The following CNIH3 variants were observed in gnomAD, a reference collection of about 807,000 sequenced individuals.
CNIH3 encodes cornichon family AMPA receptor auxiliary protein 3.
In CNIH3, 14 loss-of-function variants were observed where a neutral mutation model predicts 24.1. The observed-to-expected ratio is 0.58, with a 90% CI of 0.38 to 0.91. CNIH3 has a LOEUF of 0.91. Among genes scored for constraint, CNIH3 ranks in the 40% least tolerant of loss-of-function variants. The probability of loss-of-function intolerance (pLI) is 0.00; values close to 1 mark genes in which losing one functional copy is unlikely to be tolerated. For missense variants in CNIH3, 178 were observed against 196.8 expected, an observed-to-expected ratio of 0.90 and a Z score of 0.57; for synonymous variants, 68 against 73.8, an observed-to-expected ratio of 0.92 and a Z score of 0.40.
At chr1:224,709,429 G>A (rs150581019) in intron 3 of CNIH3, among the ~76,000 whole-genome samples, 87 of 152,304 alleles carry the variant, frequency 5.7e-4, no homozygotes, top group Middle Eastern at 3.4e-3. Context: ...AGACATAAGA[G>A]TCTAGATGAG....
intron 1 of CNIH3, among the ~76,000 whole-genome samples, chr1:224,630,206 C>T (rs915404514): frequency 6.6e-6 from 1 of 152,128 alleles, no homozygotes; most frequent in African/African-American, 2.4e-5. Context: ...TTCATTAAAA[C>T]CTTATTTGCA....
chr1:224,495,843 C>G (rs1677415908), intron 1 of CNIH3, among the ~76,000 whole-genome samples: 1 of 152,146 alleles, frequency 6.6e-6, no homozygotes, highest in Non-Finnish European at 1.5e-5. Context: ...AATCCCATCA[C>G]TTTGGGAGAC....
intron 1 of CNIH3, among the ~76,000 whole-genome samples, chr1:224,654,165 T>C (rs1255731691): frequency 6.6e-6 from 1 of 152,102 alleles, no homozygotes; most frequent in Non-Finnish European, 1.5e-5. Flanking sequence ...GCGGATCACC[T>C]GAGGTCAGGA....
At chr1:224,656,305 G>A (rs1685091667) in intron 1 of CNIH3, among the ~76,000 whole-genome samples, 1 of 152,138 alleles carries the variant, frequency 6.6e-6, no homozygotes, top group South Asian at 2.1e-4. Context: ...CAACATTTGA[G>A]GCCACATTGA....
At chr1:224,531,318 G>T (rs2124931129) in intron 2 of CNIH3, among the ~76,000 whole-genome samples, 1 of 152,330 alleles carries the variant, frequency 6.6e-6, no homozygotes, top group African/African-American at 2.4e-5. Flanking sequence ...ACTCTATGGG[G>T]AAAACAGGGA....
At chr1:224,691,834 T>C (rs965525845) in intron 3 of CNIH3, among the ~76,000 whole-genome samples, 1 of 152,242 alleles carries the variant, frequency 6.6e-6, no homozygotes, top group East Asian at 1.9e-4. Context: ...CTTAAAGTGA[T>C]CTTATTCTTT....
chr1:224,572,048 A>T (rs1054941462), intron 4 of CNIH3, among the ~76,000 whole-genome samples: 1 of 152,198 alleles, frequency 6.6e-6, no homozygotes, highest in Non-Finnish European at 1.5e-5. Flanking sequence ...TAGTTGTCTT[A>T]TAGGGAGGTG....
chr1:224,686,286 T>C (rs1686656529), intron 3 of CNIH3, among the ~76,000 whole-genome samples: 1 of 151,990 alleles, frequency 6.6e-6, no homozygotes, highest in Non-Finnish European at 1.5e-5. Context: ...GATAGTTTGC[T>C]GAGAATGATG....
At chr1:224,658,704 T>C (rs1685209211) in intron 1 of CNIH3, among the ~76,000 whole-genome samples, 1 of 149,832 alleles carries the variant, frequency 6.7e-6, no homozygotes, top group African/African-American at 2.5e-5. Context: ...CCAACTAAAC[T>C]TGTCTCTCTC....
At position 224,703,071 on chromosome 1, in the gene CNIH3, G is replaced by A. The variant is rs144335761; in HGVS notation, c.198+18228G>A. Among the ~76,000 whole-genome samples, 86 of 152,320 alleles carry A rather than the reference G, an allele frequency of 5.6e-4. No individual in the cohort carries two copies. The highest frequency in any genetic ancestry group is 2.0e-3 in the African/African-American group (83 of 41,568). On this transcript the variant is annotated intron_variant, in intron 3 of 5. Coordinates refer to ENST00000272133, the MANE Select transcript of CNIH3 (RefSeq NM_152495.2). The surrounding 1 kb of genome is among the most constrained non-coding windows in gnomAD (Gnocchi z 4.2). ...AATGCTGCCAAGATAGCTCCAGTAT[G>A]CAGGCAGAGGCAAACCATTGCCCTG...
chr1:224,579,848 G>GCT (rs1489920986), intron 4 of CNIH3, among the ~76,000 whole-genome samples: 1 of 152,158 alleles, frequency 6.6e-6, no homozygotes, highest in Non-Finnish European at 1.5e-5. Context: ...ACAGCCTGAG[G>GCT]CTCTCACCAG....
intron 5 of CNIH3, among the ~76,000 whole-genome samples, chr1:224,738,783 A>C (rs905860474): frequency 2.0e-5 from 3 of 152,142 alleles, no homozygotes; most frequent in Non-Finnish European, 4.4e-5. Context: ...CCTGGAGTCC[A>C]TTAAAAATAA....
intron 1 of CNIH3, among the ~76,000 whole-genome samples, chr1:224,506,279 G>GCA (rs1331981901): frequency 5.4e-4 from 32 of 58,812 alleles, no homozygotes; most frequent in African/African-American, 1.1e-3. Context: ...ACGCGCGCGC[G>GCA]CGCGCGCGCA....
At chr1:224,682,917 A>T (rs1031106853) in intron 2 of CNIH3, among the ~76,000 whole-genome samples, 1 of 152,216 alleles carries the variant, frequency 6.6e-6, no homozygotes, top group Non-Finnish European at 1.5e-5. Flanking sequence ...CAATTCTATC[A>T]TGCAAATTCC....
chr1:224,448,674 G>A (rs568915536), intron 1 of CNIH3, among the ~76,000 whole-genome samples: 4 of 152,268 alleles, frequency 2.6e-5, no homozygotes, highest in East Asian at 1.9e-4. Context: ...CACGTGTATC[G>A]TTATGAACAG....
At chr1:224,555,814 C>T (rs1013544087) in intron 3 of CNIH3, among the ~76,000 whole-genome samples, 3 of 152,160 alleles carry the variant, frequency 2.0e-5, no homozygotes, top group African/African-American at 7.2e-5. Flanking sequence ...TTGCCCTTGA[C>T]TGACTTTGTA....
At chr1:224,708,716 C>T (rs368718279) in intron 3 of CNIH3, among the ~76,000 whole-genome samples, 17 of 152,142 alleles carry the variant, frequency 1.1e-4, no homozygotes, top group African/African-American at 4.1e-4. Flanking sequence ...ATGAGACCAT[C>T]TTAGTTTTCC....
chr1:224,620,458 C>A (rs550640568), intron 1 of CNIH3, among the ~76,000 whole-genome samples: 3 of 152,282 alleles, frequency 2.0e-5, no homozygotes, highest in East Asian at 3.9e-4. Context: ...CAAAGGATTA[C>A]CTTTCTCTGT....
At chr1:224,487,110 A>T (rs1314259689) in intron 1 of CNIH3, among the ~76,000 whole-genome samples, 2 of 152,230 alleles carry the variant, frequency 1.3e-5, no homozygotes, top group African/African-American at 4.8e-5. Context: ...CAGAAATAAG[A>T]CATTCTCAGC....
Sources: gnomAD v4.1 joint callset for allele counts (sites outside exome capture counted in the v4.1 genomes callset) on GRCh38, gnomAD v4.1.1 for gene constraint, Gnocchi (gnomAD v3.1) non-coding constraint, MANE v1.5 for transcripts, NCBI Gene and HGNC (gene_info 2026-07-23, HGNC 2026-07-21) for gene names.